IFT74: variants seen among roughly 807,000 people sequenced by gnomAD.
The protein encoded by IFT74 is intraflagellar transport protein 74 homolog.
In IFT74, 92 loss-of-function variants were observed where a neutral mutation model predicts 96.7. That is an observed-to-expected ratio of 0.95 (90% confidence interval 0.80 to 1.13). The LOEUF is 1.13. Ranked by LOEUF, IFT74 falls within the 50% of genes most tolerant of loss-of-function variation. IFT74 has a pLI of 0.00. For synonymous variants in IFT74, 223 were observed against 213.2 expected (o/e 1.05, Z -0.40); for missense variants, 811 against 698.2 (o/e 1.16, Z -1.82).
chr9:26,977,100 C>G (rs1827162631), intron 2 of IFT74, among the ~76,000 whole-genome samples: 1 of 152,180 alleles, frequency 6.6e-6, no homozygotes, highest in African/African-American at 2.4e-5. Context: ...TATCGATCAT[C>G]ATTACTATTT....
chr9:27,006,646 AGAGAGAGGAGGGGGAGGGGAAG>A (rs1828794683), intron 8 of IFT74, among the ~76,000 whole-genome samples: 1 of 138,376 alleles, frequency 7.2e-6, no homozygotes, highest in African/African-American at 2.7e-5. Context: ...AGAGAAGAGA[AGAGAGAGGAGGGGGAGGGGAAG>A]GAGGAGGAGG....
At chr9:26,947,154 G>A in intron 1 of IFT74, 4 of 1,303,454 alleles carry the variant, frequency 3.1e-6, no homozygotes, top group South Asian at 3.3e-5. Flanking sequence ...CAGGTAAGGG[G>A]CGGCCGGAGA....
chr9:26,962,566 G>A (rs1274371105), intron 2 of IFT74, among the ~76,000 whole-genome samples: 1 of 152,160 alleles, frequency 6.6e-6, no homozygotes, highest in Non-Finnish European at 1.5e-5. Flanking sequence ...GCAAAACATG[G>A]AGCATTCAAT....
intron 8 of IFT74, among the ~76,000 whole-genome samples, chr9:26,990,789 T>C (rs1234934796): frequency 1.3e-5 from 2 of 152,188 alleles, no homozygotes; most frequent in East Asian, 1.9e-4. Flanking sequence ...TTGGGATGGG[T>C]CCATATTCTA....
intron 13 of IFT74, chr9:27,036,835 CAGAA>C: frequency 9.6e-7 from 1 of 1,039,234 alleles, no homozygotes; most frequent in East Asian, 7.8e-5. Flanking sequence ...CACAATAAAA[CAGAA>C]GGAAGCTGAA....
intron 13 of IFT74, among the ~76,000 whole-genome samples, chr9:27,042,610 A>G (rs1819528618): frequency 6.6e-6 from 1 of 152,212 alleles, no homozygotes. Context: ...AGAAACTGGA[A>G]ACATCATGTG....
chr9:27,000,472 ACT>A (rs1828421345), intron 8 of IFT74, among the ~76,000 whole-genome samples: 1 of 151,884 alleles, frequency 6.6e-6, no homozygotes, highest in Non-Finnish European at 1.5e-5. Context: ...AATCTTTAGC[ACT>A]CTTTTTCCCC....
intron 1 of IFT74, chr9:26,947,186 T>TACGGA: frequency 9.8e-7 from 1 of 1,015,666 alleles, no homozygotes; most frequent in South Asian, 1.9e-5. Flanking sequence ...CGAGAGCCGG[T>TACGGA]ACGGAAGGGC....
chr9:26,990,042 T>C, intron 7 of IFT74, 92 bp from the exon 8 acceptor site: 1 of 589,196 alleles, frequency 1.7e-6, no homozygotes. Context: ...ATTATAGTAA[T>C]TTCTCATTTA....
At chr9:27,031,597 AT>A (rs74178370) in intron 13 of IFT74, among the ~76,000 whole-genome samples, 2,675 of 129,794 alleles carry the variant, frequency 0.021, 70 homozygotes, top group African/African-American at 0.068. Flanking sequence ...AACTTTACTC[AT>A]TTTTTTTTTT....
Position 27,055,683 on chromosome 9 carries a change from C to A in IFT74, c.1408C>A (p.Leu470Ile). Residue 470 changes from leucine (L) to isoleucine (I), a missense_variant, in exon 17 of 20, where the codon CTA (leucine) becomes ATA (isoleucine). Coordinates refer to ENST00000380062, the MANE Select transcript of IFT74 (RefSeq NM_025103.4). The stretch of plus-strand genomic sequence containing the variant: ...TAAGATGACTGAAGAACAGCATTCT[C>A]TAAAAAGCAAAATTAAGCAAATGAC... The part of the protein sequence containing the change: ...ESKMTEEQHS[L>I]KSKIKQMTTD... 6.3e-7 allele frequency: 1 copy of A among 1,592,848 alleles called. No individual in the cohort carries two copies. The highest frequency in any genetic ancestry group is 1.2e-5 in the South Asian group (1 of 86,852).
chr9:26,984,244 T>C lies in IFT74; in HGVS notation c.306-13T>C, dbSNP rs778662157. ...TAAAAGTATTGCTGACATTCTTATT[T>C]CTTTTCTAATAGAAGTAAAATAAGT... On this transcript the variant is annotated splice_polypyrimidine_tract_variant and intron_variant, in intron 4 of 19. Coordinates refer to ENST00000380062, the MANE Select transcript of IFT74 (RefSeq NM_025103.4). 1 of 1,546,364 alleles carries C rather than the reference T, an allele frequency of 6.5e-7. No individual in the cohort carries two copies. The highest frequency in any genetic ancestry group is 8.7e-7 in the Non-Finnish European group (1 of 1,144,632).
intron 2 of IFT74, among the ~76,000 whole-genome samples, chr9:26,968,365 G>A (rs186879251): frequency 2.6e-5 from 4 of 151,904 alleles, no homozygotes; most frequent in South Asian, 4.2e-4. Flanking sequence ...GGGTTCAAGC[G>A]ATTCTCCTTT....
At chr9:27,014,707 T>G (rs1829262204) in intron 10 of IFT74, among the ~76,000 whole-genome samples, 1 of 152,196 alleles carries the variant, frequency 6.6e-6, no homozygotes, top group Admixed American at 6.5e-5. Context: ...CCTTCTGAGT[T>G]CAAGCAATTC....
rs114430589 is a variant in IFT74, at chr9:26,957,093, A to G, written c.-20+577A>G. Reference sequence around the variant, plus strand: ...TTGTCAGCACTAGTTTGTATCGCTAATCATTCTGGATCCAAAGGCCAGGCT... The same window carrying G: ...TTGTCAGCACTAGTTTGTATCGCTAGTCATTCTGGATCCAAAGGCCAGGCT... On this transcript the variant is annotated intron_variant, in intron 1 of 19. Coordinates refer to ENST00000380062, the MANE Select transcript of IFT74 (RefSeq NM_025103.4). Among the ~76,000 whole-genome samples the G allele has an allele frequency of 1.9e-3, 285 of 152,320 alleles. 1 individual carries two copies. Among genetic ancestry groups the G allele is most frequent in the African/African-American group, 6.3e-3 (263 of 41,584 alleles).
intron 13 of IFT74, among the ~76,000 whole-genome samples, chr9:27,030,277 G>A (rs866250192): frequency 5.3e-5 from 8 of 152,006 alleles, no homozygotes; most frequent in Non-Finnish European, 8.8e-5. Context: ...CATTCATAGC[G>A]GTGCAGTGGC....
intron 8 of IFT74, among the ~76,000 whole-genome samples, chr9:27,003,751 A>G (rs896616965): frequency 2.6e-5 from 4 of 152,166 alleles, no homozygotes; most frequent in African/African-American, 4.8e-5. Flanking sequence ...TGCCTCCTAT[A>G]TTTTATAAAA....
chr9:27,043,708 C>G (rs1183435686), intron 13 of IFT74, among the ~76,000 whole-genome samples: 1 of 152,202 alleles, frequency 6.6e-6, no homozygotes, highest in African/African-American at 2.4e-5. Flanking sequence ...CTACCATCTT[C>G]TCAGATGCCC....
chr9:27,055,545 A>C, intron 16 of IFT74, 64 bp from the exon 17 acceptor site: 2 of 1,083,818 alleles, frequency 1.8e-6, no homozygotes, highest in Non-Finnish European at 2.6e-6. Context: ...TAGTTGCATT[A>C]CATTTCCTTA....
Sources: allele counts gnomAD v4.1 joint callset (sites outside exome capture counted in the v4.1 genomes callset), GRCh38; gene constraint gnomAD v4.1.1; transcripts MANE v1.5; gene names NCBI Gene and HGNC (gene_info 2026-07-23, HGNC 2026-07-21).